Variants in MAP2 observed in about 807,000 individuals in gnomAD.
MAP2 encodes the protein microtubule associated protein 2.
In MAP2, 14 loss-of-function variants were observed where a neutral mutation model predicts 137.6. The observed-to-expected ratio is 0.10, with a 90% CI of 0.07 to 0.16. MAP2 has a LOEUF of 0.16. Ranked by LOEUF, MAP2 falls within the 10% of genes least tolerant of loss-of-function variation. The probability of loss-of-function intolerance (pLI) is 1.00; values close to 1 mark genes in which losing one functional copy is unlikely to be tolerated. For missense variants in MAP2, 2,088 were observed against 2,191.5 expected, an observed-to-expected ratio of 0.95 and a Z score of 0.94; for synonymous variants, 786 against 782.3, an observed-to-expected ratio of 1.00 and a Z score of -0.08.
chr2:209,667,095 G>C (rs1399995389), intron 5 of MAP2, among the ~76,000 whole-genome samples: 1 of 151,962 alleles, frequency 6.6e-6, no homozygotes, highest in Admixed American at 6.6e-5. Context: ...TTAAAATGTT[G>C]AGGTATTTCT....
intron 3 of MAP2, among the ~76,000 whole-genome samples, chr2:209,613,939 C>G (rs2088002717): frequency 6.6e-6 from 1 of 152,136 alleles, no homozygotes; most frequent in African/African-American, 2.4e-5. Flanking sequence ...ACCTCATTGG[C>G]TCACTTGCTG....
Position 209,705,636 on chromosome 2 carries a change from T to G in MAP2, c.4641T>G (p.Ile1547Met), listed in dbSNP as rs2063174525. The G allele has an allele frequency of 1.2e-6, 2 of 1,613,114 alleles. No individual in the cohort carries two copies. Residue 1547 changes from isoleucine to methionine, a missense_variant, in exon 12 of 16, where the codon ATT (isoleucine) becomes ATG (methionine). By Grantham distance (10) the Ile-to-Met change is conservative (BLOSUM62 1). Around this residue, in one of 6 missense-constraint regions of MAP2, gnomAD observed 591 missense variants for 642.6 expected, o/e 0.92. Transcript: ENST00000682079. The stretch of plus-strand genomic sequence containing the variant: ...CTTCTCTCCCAAGACCTTCCTCCAT[T>G]CTCCCTCCTCGGCGAGGTGTGTCAG... ...KRSSLPRPSS[I>M]LPPRRGVSGD...
intron 1 of MAP2, among the ~76,000 whole-genome samples, chr2:209,468,619 C>A (rs1248753578): frequency 1.3e-5 from 2 of 152,072 alleles, no homozygotes; most frequent in African/African-American, 4.8e-5. Context: ...CGCGCCCGGC[C>A]TCAGTTTAGT....
chr2:209,474,421 A>C (rs1199883190), intron 1 of MAP2, among the ~76,000 whole-genome samples: 2 of 152,092 alleles, frequency 1.3e-5, no homozygotes, highest in Admixed American at 6.6e-5. Flanking sequence ...TGTTAAAATA[A>C]TTATTTATTG....
chr2:209,668,721 A>G (rs527658038), intron 5 of MAP2, among the ~76,000 whole-genome samples: 8 of 152,218 alleles, frequency 5.3e-5, no homozygotes, highest in African/African-American at 1.9e-4. Flanking sequence ...TATTTTAACT[A>G]TCATCAATTT....
chr2:209,506,512 C>A (rs1188170583), intron 1 of MAP2, among the ~76,000 whole-genome samples: 1 of 152,106 alleles, frequency 6.6e-6, no homozygotes, highest in Non-Finnish European at 1.5e-5. Flanking sequence ...TTAGAGACTG[C>A]CATAGATGCT....
intron 4 of MAP2, among the ~76,000 whole-genome samples, chr2:209,627,974 A>G (rs1320696831): frequency 1.3e-5 from 2 of 152,176 alleles, no homozygotes; most frequent in East Asian, 1.9e-4. Context: ...AATATTACTA[A>G]TTCTCATATT....
chr2:209,636,563 TTA>T (rs112634424), intron 4 of MAP2, among the ~76,000 whole-genome samples: 8,661 of 148,322 alleles, frequency 0.058, 572 homozygotes, highest in South Asian at 0.23. Context: ...TACGTATATA[TTA>T]TATATATATA....
intron 5 of MAP2, among the ~76,000 whole-genome samples, chr2:209,675,704 A>G (rs2051064396): frequency 6.6e-6 from 1 of 151,846 alleles, no homozygotes; most frequent in African/African-American, 2.4e-5. Context: ...TCCCAAAGAA[A>G]AATACTGAAA....
chr2:209,584,300 A>G (rs901931720), intron 3 of MAP2, among the ~76,000 whole-genome samples: 17 of 152,112 alleles, frequency 1.1e-4, no homozygotes, highest in Non-Finnish European at 2.1e-4. Flanking sequence ...CAACGTATGG[A>G]GGAGCTCCAG....
At chr2:209,559,108 GT>G (rs112904403) in intron 2 of MAP2, among the ~76,000 whole-genome samples, 1,745 of 151,880 alleles carry the variant, frequency 0.011, 34 homozygotes, top group African/African-American at 0.04. Context: ...GTGATTTTTT[GT>G]TTTTAAAGTT....
At chr2:209,679,623 TAA>T (rs902411731) in intron 6 of MAP2, among the ~76,000 whole-genome samples, 2 of 152,062 alleles carry the variant, frequency 1.3e-5, no homozygotes, top group Non-Finnish European at 1.5e-5. Context: ...AACTGTCTAT[TAA>T]AAAGTAAGTA....
At chr2:209,545,820 C>G (rs181980314) in intron 2 of MAP2, among the ~76,000 whole-genome samples, 2 of 152,234 alleles carry the variant, frequency 1.3e-5, no homozygotes. Context: ...ACATACAACA[C>G]CAGATGGTAT....
intron 2 of MAP2, among the ~76,000 whole-genome samples, chr2:209,569,342 ATGAATATTTAT>A (rs2074017179): frequency 6.6e-6 from 1 of 151,932 alleles, no homozygotes; most frequent in South Asian, 2.1e-4. Flanking sequence ...GCATGCATGA[ATGAATATTTAT>A]TGAATATTTA....
chr2:209,560,375 A>G (rs1234162707), intron 2 of MAP2, among the ~76,000 whole-genome samples: 2 of 152,168 alleles, frequency 1.3e-5, no homozygotes, highest in African/African-American at 4.8e-5. Context: ...AATTTAGGGA[A>G]TATAAGATTT....
chr2:209,733,891 T>A lies in MAP2; in HGVS notation c.*3494T>A, dbSNP rs1027558535. On this transcript the variant is annotated 3_prime_UTR_variant, in exon 16 of 16. Coordinates refer to ENST00000682079, the MANE Select transcript of MAP2 (RefSeq NM_001375505.1). ...CAACTTTAGCAAAAAGAAAAAAAAA[T>A]CAACAAAAAGTATACTCTGTATGCT... 1 of 151,204 alleles carries A rather than the reference T, an allele frequency of 6.6e-6. No individual in the cohort carries two copies. The allele number at this position is 151,204 out of a possible 1,614,324, so 9.4% of individuals were successfully genotyped here.
chr2:209,498,490 G>T (rs1038783419), intron 1 of MAP2, among the ~76,000 whole-genome samples: 1 of 152,222 alleles, frequency 6.6e-6, no homozygotes, highest in Non-Finnish European at 1.5e-5. Flanking sequence ...GAGACCAGAT[G>T]TGAGGGTTCC....
rs2060130488 is a variant in MAP2 at position 209,696,177 on chromosome 2, C to T, written c.4007C>T (p.Ala1336Val). 2 of 1,612,506 alleles carry T rather than the reference C, an allele frequency of 1.2e-6. No homozygotes were observed. The highest frequency in any genetic ancestry group is 1.1e-5 in the South Asian group (1 of 90,798). Residue 1336 changes from alanine (A) to valine (V), a missense_variant, in exon 8 of 16, where the codon GCA (alanine) becomes GTA (valine). Around this residue, in one of 6 missense-constraint regions of MAP2, gnomAD observed 591 missense variants for 642.6 expected, o/e 0.92. Transcript: ENST00000682079. ...HDEEEFEVEE[A>V]AEAQAEPKDG... ...GAAGAAGAGTTTGAAGTAGAAGAGGCAGCTGAAGCCCAGGCAGAACCCAAA... is the reference window on the plus strand; with the variant it reads ...GAAGAAGAGTTTGAAGTAGAAGAGGTAGCTGAAGCCCAGGCAGAACCCAAA...
intron 1 of MAP2, among the ~76,000 whole-genome samples, chr2:209,445,460 G>A (rs1698833578): frequency 6.7e-6 from 1 of 149,708 alleles, no homozygotes; most frequent in South Asian, 2.2e-4. Flanking sequence ...TGTGGCACAG[G>A]TTTTTCAGCA....
Sources: gnomAD v4.1 joint callset for allele counts (sites outside exome capture counted in the v4.1 genomes callset) on GRCh38, gnomAD v4.1.1 for gene constraint, gnomAD v4.1.1 regional missense constraint, MANE v1.5 for transcripts, NCBI Gene and HGNC (gene_info 2026-07-23, HGNC 2026-07-21) for gene names.